The following LDB2 variants were observed in gnomAD, a reference collection of about 807,000 sequenced individuals.
LDB2 encodes LIM domain-binding protein 2.
LDB2 carries 12 observed loss-of-function variants against 44.3 expected under a neutral mutation model. The observed-to-expected ratio is 0.27, with a 90% CI of 0.17 to 0.44. LDB2 has a LOEUF of 0.44. Ranked by LOEUF, LDB2 falls within the 20% of genes least tolerant of loss-of-function variation. The probability of loss-of-function intolerance (pLI) is 1.00; values close to 1 mark genes in which losing one functional copy is unlikely to be tolerated. For missense variants in LDB2, 344 were observed against 473.5 expected, an observed-to-expected ratio of 0.73 and a Z score of 2.54; for synonymous variants, 164 against 174.8, an observed-to-expected ratio of 0.94 and a Z score of 0.49.
At chr4:16,815,054 C>A (rs559234221) in intron 1 of LDB2, among the ~76,000 whole-genome samples, 1 of 152,332 alleles carries the variant, frequency 6.6e-6, no homozygotes, top group Non-Finnish European at 1.5e-5. Context: ...CTTATTTGTT[C>A]ACATCAACTC....
chr4:16,532,439 G>A (rs371553628), intron 5 of LDB2, among the ~76,000 whole-genome samples: 1 of 152,218 alleles, frequency 6.6e-6, no homozygotes, highest in Admixed American at 6.5e-5. Context: ...ATGAACTGTG[G>A]TTAGATGTTG....
chr4:16,558,150 G>A (rs1218380097), intron 5 of LDB2, among the ~76,000 whole-genome samples: 1 of 152,152 alleles, frequency 6.6e-6, no homozygotes, highest in East Asian at 1.9e-4. Flanking sequence ...ACTCTAAAAA[G>A]CAGAGCGTCC....
intron 1 of LDB2, chr4:16,888,715 C>T (rs1472697985): frequency 9.1e-6 from 9 of 984,262 alleles, no homozygotes; most frequent in Non-Finnish European, 1.1e-5. Context: ...AGTGTATCGT[C>T]GTCATCGTCG....
chr4:16,614,191 G>A (rs1344118940), intron 2 of LDB2, among the ~76,000 whole-genome samples: 1 of 152,164 alleles, frequency 6.6e-6, no homozygotes, highest in Non-Finnish European at 1.5e-5. Context: ...TCAGTAAATG[G>A]TGCTGGGAAA....
At chr4:16,874,745 G>T (rs1414990939) in intron 1 of LDB2, among the ~76,000 whole-genome samples, 1 of 152,084 alleles carries the variant, frequency 6.6e-6, no homozygotes, top group East Asian at 1.9e-4. Flanking sequence ...GTGGCACAAA[G>T]GTTATACTAC....
At chr4:16,811,619 T>C (rs1429809989) in intron 1 of LDB2, among the ~76,000 whole-genome samples, 1 of 152,224 alleles carries the variant, frequency 6.6e-6, no homozygotes, top group Non-Finnish European at 1.5e-5. Flanking sequence ...TAACCCCAAA[T>C]GTATATCTGC....
chr4:16,774,345 T>G (rs1771434131), intron 1 of LDB2, among the ~76,000 whole-genome samples: 1 of 152,132 alleles, frequency 6.6e-6, no homozygotes, highest in Non-Finnish European at 1.5e-5. Flanking sequence ...AGATATGCGT[T>G]TTTTTAAAAA....
chr4:16,854,818 A>G (rs1254853264), intron 1 of LDB2, among the ~76,000 whole-genome samples: 5 of 151,970 alleles, frequency 3.3e-5, no homozygotes, highest in African/African-American at 9.7e-5. Flanking sequence ...AAGCCTTTCT[A>G]TGTTAGCACA....
intron 5 of LDB2, among the ~76,000 whole-genome samples, chr4:16,516,167 G>C (rs1288845146): frequency 6.6e-6 from 1 of 151,986 alleles, no homozygotes; most frequent in Non-Finnish European, 1.5e-5. Flanking sequence ...GCCCAGCCTA[G>C]GTATGGATTT....
At chr4:16,802,792 T>A (rs1456141420) in intron 1 of LDB2, among the ~76,000 whole-genome samples, 2 of 152,148 alleles carry the variant, frequency 1.3e-5, no homozygotes, top group South Asian at 4.1e-4. Flanking sequence ...GGACACCAAC[T>A]GTGGAGTTTA....
chr4:16,640,408 G>C (rs1734818429), intron 2 of LDB2, among the ~76,000 whole-genome samples: 1 of 152,078 alleles, frequency 6.6e-6, no homozygotes, highest in Non-Finnish European at 1.5e-5. Flanking sequence ...TAAGTTGCTG[G>C]GCTATTAGAG....
chr4:16,804,103 T>C (rs943215347), intron 1 of LDB2, among the ~76,000 whole-genome samples: 5 of 152,178 alleles, frequency 3.3e-5, no homozygotes, highest in African/African-American at 1.2e-4. Flanking sequence ...CATGTAAATG[T>C]GTAAATTGAA....
chr4:16,854,595 T>C (rs1177048858), intron 1 of LDB2, among the ~76,000 whole-genome samples: 2 of 151,380 alleles, frequency 1.3e-5, no homozygotes, highest in Non-Finnish European at 2.9e-5. Flanking sequence ...GTAGAGTATA[T>C]TACTTACCAA....
At chr4:16,691,645 G>A (rs1750794271) in intron 2 of LDB2, among the ~76,000 whole-genome samples, 1 of 152,158 alleles carries the variant, frequency 6.6e-6, no homozygotes, top group African/African-American at 2.4e-5. Context: ...ACACATGTGA[G>A]ATCAATCTCA....
At chr4:16,858,908 T>A (rs1208222995) in intron 1 of LDB2, among the ~76,000 whole-genome samples, 2 of 152,216 alleles carry the variant, frequency 1.3e-5, no homozygotes, top group Admixed American at 1.3e-4. Context: ...TTTTGCTAAT[T>A]GACACATGAT....
At chr4:16,816,009 A>C (rs1255664807) in intron 1 of LDB2, among the ~76,000 whole-genome samples, 1 of 152,198 alleles carries the variant, frequency 6.6e-6, no homozygotes, top group Non-Finnish European at 1.5e-5. Flanking sequence ...GAAGTTCGAG[A>C]CCAGCCTGGC....
intron 5 of LDB2, among the ~76,000 whole-genome samples, chr4:16,534,566 A>C (rs370344807): frequency 6.6e-6 from 1 of 152,222 alleles, no homozygotes; most frequent in African/African-American, 2.4e-5. Context: ...TATATTTCTC[A>C]AGTAGCTTAA....
rs192937722 is a variant in LDB2 at position 16,533,334 on chromosome 4, T to C, written c.616-21230A>G. 1.3e-5 allele frequency among the ~76,000 whole-genome samples: 2 copies of C among 152,270 alleles called. No homozygotes were observed. The highest frequency in any genetic ancestry group is 2.9e-5 in the Non-Finnish European group (2 of 68,022). On this transcript the variant is annotated intron_variant, in intron 5 of 7. Transcript: ENST00000304523. This position sits in a 1 kb window ranked among gnomAD's most constrained non-coding sequence, Gnocchi z 4.1. ...TCCCACTTCTAAAGTTAAAAAACCA[T>C]TCATGTCTGCAAAAATGGAAATAAT...
At chr4:16,772,205 A>G (rs2109353759) in intron 1 of LDB2, among the ~76,000 whole-genome samples, 1 of 152,330 alleles carries the variant, frequency 6.6e-6, no homozygotes, top group South Asian at 2.1e-4. Flanking sequence ...TCCAATCTAC[A>G]GAAGCCTACT....
Sources: allele counts gnomAD v4.1 joint callset (sites outside exome capture counted in the v4.1 genomes callset), GRCh38; gene constraint gnomAD v4.1.1; non-coding constraint Gnocchi (gnomAD v3.1); transcripts MANE v1.5; gene names NCBI Gene and HGNC (gene_info 2026-07-23, HGNC 2026-07-21).